LRBA: variants seen among roughly 807,000 people sequenced by gnomAD.
The protein encoded by LRBA is lipopolysaccharide-responsive and beige-like anchor protein.
A neutral mutation model predicts 330.0 loss-of-function variants in LRBA; 176 were observed. That is an observed-to-expected ratio of 0.53 (90% confidence interval 0.47 to 0.60). The LOEUF (loss-of-function observed/expected upper bound fraction) is 0.60, where lower values mean the gene tolerates loss of function less well. Ranked by LOEUF, LRBA falls within the 20% of genes least tolerant of loss-of-function variation. The pLI is 0.00. For missense variants in LRBA, 3,259 were observed against 3,444.8 expected, an observed-to-expected ratio of 0.95 and a Z score of 1.35; for synonymous variants, 1,230 against 1,193.0, an observed-to-expected ratio of 1.03 and a Z score of -0.64.
chr4:150,366,011 A>G (rs1739423015), intron 47 of LRBA, among the ~76,000 whole-genome samples: 1 of 152,200 alleles, frequency 6.6e-6, no homozygotes, highest in Non-Finnish European at 1.5e-5. Context: ...AACACTGCTC[A>G]AACTATTCAA....
chr4:150,826,659 G>A (rs1165624022), intron 30 of LRBA, among the ~76,000 whole-genome samples: 1 of 152,088 alleles, frequency 6.6e-6, no homozygotes, highest in Non-Finnish European at 1.5e-5. Flanking sequence ...CAATGCTCCT[G>A]ACCACCCAGA....
At chr4:150,375,208 G>A (rs1294337566) in intron 47 of LRBA, among the ~76,000 whole-genome samples, 4 of 152,204 alleles carry the variant, frequency 2.6e-5, no homozygotes, top group African/African-American at 7.2e-5. Flanking sequence ...GGCAGGAAGC[G>A]GGAGCAAGAA....
intron 47 of LRBA, among the ~76,000 whole-genome samples, chr4:150,398,001 T>C (rs1744975873): frequency 6.6e-6 from 1 of 152,228 alleles, no homozygotes; most frequent in African/African-American, 2.4e-5. Flanking sequence ...ATTGAAAATA[T>C]GTTGCACAGT....
rs58558446 is a variant in LRBA, at chr4:150,694,462, C to CAAAAAA, written c.5755-10751_5755-10746dup. ...CCTTACCTTAAAGTGTGATCTTTAA[C>CAAAAAA]AAAAAAAAAAAAAAGCTATCTACAG... On this transcript the variant is annotated intron_variant, in intron 36 of 56. Coordinates refer to ENST00000651943, the MANE Select transcript of LRBA (RefSeq NM_001364905.1). 2.1e-4 allele frequency among the ~76,000 whole-genome samples: 15 copies of CAAAAAA among 71,044 alleles called. 1 individual carries two copies. Among genetic ancestry groups the CAAAAAA allele is most frequent in the African/African-American group, 3.4e-4 (7 of 20,424 alleles). 46.6% of individuals were successfully genotyped at this position (71,044 alleles called of 152,430 possible). A position where few individuals can be genotyped will look rare whatever the true frequency, so the allele number is the denominator to read the frequency against.
Position 150,672,853 on chromosome 4 carries a change from C to G in LRBA, c.5921+10698G>C, listed in dbSNP as rs1483529023. On this transcript the variant is annotated intron_variant, in intron 37 of 56. Coordinates refer to ENST00000651943, the MANE Select transcript of LRBA (RefSeq NM_001364905.1). ...TAAAGCCTGGCACATAATAGGTGTC[C>G]AGTAATTCTTAGTTCCATAACAAAT... Among the ~76,000 whole-genome samples the G allele has an allele frequency of 2.6e-5, 4 of 152,062 alleles. No individual in the cohort carries two copies. In the East Asian group the frequency reaches 7.7e-4, roughly 29 times the overall value.
intron 47 of LRBA, among the ~76,000 whole-genome samples, chr4:150,378,412 T>C (rs1561090567): frequency 6.6e-6 from 1 of 152,214 alleles, no homozygotes; most frequent in Non-Finnish European, 1.5e-5. Context: ...TGTTTCCAGA[T>C]GAAAATGAAA....
intron 40 of LRBA, among the ~76,000 whole-genome samples, chr4:150,559,669 A>G (rs1767867356): frequency 1.2e-5 from 1 of 85,204 alleles, no homozygotes; most frequent in Non-Finnish European, 2.1e-5. Flanking sequence ...TATAATATAT[A>G]TATTATATAA....
chr4:150,749,877 G>GCCTT (rs1733306315), intron 35 of LRBA, among the ~76,000 whole-genome samples: 1 of 152,082 alleles, frequency 6.6e-6, no homozygotes, highest in Admixed American at 6.5e-5. Context: ...AGCTTATAGG[G>GCCTT]CCTTATATGA....
At chr4:150,769,085 C>A (rs1736188129) in intron 34 of LRBA, among the ~76,000 whole-genome samples, 1 of 151,836 alleles carries the variant, frequency 6.6e-6, no homozygotes, top group African/African-American at 2.4e-5. Context: ...TACAGGTGTG[C>A]ATCACCACAC....
chr4:150,405,449 A>G (rs1310102700), intron 47 of LRBA, among the ~76,000 whole-genome samples: 1 of 152,160 alleles, frequency 6.6e-6, no homozygotes, highest in Non-Finnish European at 1.5e-5. Flanking sequence ...CTTTTACTGT[A>G]TGATGTTTTA....
intron 36 of LRBA, among the ~76,000 whole-genome samples, chr4:150,702,537 T>C (rs1030620778): frequency 5.3e-5 from 8 of 152,188 alleles, no homozygotes; most frequent in African/African-American, 1.7e-4. Context: ...AAGCTACAGA[T>C]TTGAGACTAC....
rs571179825 is a variant in LRBA at position 150,954,056 on chromosome 4, G to A, written c.217-24991C>T. On this transcript the variant is annotated intron_variant, in intron 2 of 56. Coordinates refer to ENST00000651943, the MANE Select transcript of LRBA (RefSeq NM_001364905.1). ...AGCCTCTCCGCCCGGCAGCCACCCCGTCTGGGAAGTGAGAAGCCCCTCCAC... is the reference window on the plus strand; with the variant it reads ...AGCCTCTCCGCCCGGCAGCCACCCCATCTGGGAAGTGAGAAGCCCCTCCAC... Among the ~76,000 whole-genome samples, 17 of 147,062 alleles carry A rather than the reference G, an allele frequency of 1.2e-4. No individual in the cohort carries two copies. The South Asian group carries it at 2.4e-3, about 21-fold the overall frequency.
In LRBA at chr4:150,852,033, T is replaced by C; in HGVS notation, c.3677A>G (p.Asn1226Ser). 1 of 1,614,132 alleles carries C rather than the reference T, an allele frequency of 6.2e-7. No individual in the cohort carries two copies. Among genetic ancestry groups the C allele is most frequent in the Non-Finnish European group, 8.5e-7 (1 of 1,179,964 alleles). The part of the protein sequence containing the change: ...TNLTRETKLI[N>S]DCHGSVSEAS... ...CTCAGAGACACTACCATGACAATCA[T>C]TAATTAATTTGGTTTCTCTAGTGAG... Residue 1226 changes from asparagine to serine, a missense_variant, in exon 23 of 57, where the codon AAT becomes AGT. Transcript: ENST00000651943.
At chr4:150,787,094 T>A (rs1382282275) in intron 34 of LRBA, among the ~76,000 whole-genome samples, 1 of 152,036 alleles carries the variant, frequency 6.6e-6, no homozygotes. Context: ...TCGCCAGGCA[T>A]GATGGTGGGT....
At chr4:150,911,889 A>AT (rs1213999596) in intron 9 of LRBA, among the ~76,000 whole-genome samples, 1 of 152,004 alleles carries the variant, frequency 6.6e-6, no homozygotes, top group African/African-American at 2.4e-5. Flanking sequence ...GTCTTTTCGG[A>AT]TTTTTTAAAT....
At chr4:150,667,513 A>G (rs1781668096) in intron 37 of LRBA, among the ~76,000 whole-genome samples, 2 of 151,948 alleles carry the variant, frequency 1.3e-5, no homozygotes, top group African/African-American at 2.4e-5. Context: ...AAGTCAAGGA[A>G]TTTTCCCCCA....
At chr4:150,904,490 G>C (rs1221653132) in intron 13 of LRBA, among the ~76,000 whole-genome samples, 1 of 152,090 alleles carries the variant, frequency 6.6e-6, no homozygotes, top group African/African-American at 2.4e-5. Flanking sequence ...ATAAGAAATA[G>C]AGTATAATAA....
Position 150,928,871 on chromosome 4 carries a change from C to A in LRBA, c.411G>T (p.Val137=), listed in dbSNP as rs990457351. 1.9e-6 allele frequency: 3 copies of A among 1,613,994 alleles called. No homozygotes were observed. The highest frequency in any genetic ancestry group is 2.5e-6 in the Non-Finnish European group (3 of 1,179,956). Reference sequence around the variant, plus strand: ...TGTCAACTTTTTCAATTTTCCCAAGCACTTTTTCAACAAGGCCTACTTCAG... The same window carrying A: ...TGTCAACTTTTTCAATTTTCCCAAGAACTTTTTCAACAAGGCCTACTTCAG... ...VCTEVGLVEK[V]LGKIEKVDNM... is the part of the protein sequence containing the mutation. The change falls in exon 3 of 57, where the codon GTG becomes GTT. Residue 137 remains valine (V), a synonymous_variant. Transcript: ENST00000651943.
intron 37 of LRBA, among the ~76,000 whole-genome samples, chr4:150,638,292 G>A (rs540351084): frequency 4.9e-4 from 75 of 152,204 alleles, no homozygotes; most frequent in African/African-American, 6.0e-4. Flanking sequence ...CTACCAAAGC[G>A]CTGGGATTAC....
Sources: allele counts gnomAD v4.1 joint callset (sites outside exome capture counted in the v4.1 genomes callset), GRCh38; gene constraint gnomAD v4.1.1; transcripts MANE v1.5; gene names NCBI Gene and HGNC (gene_info 2026-07-23, HGNC 2026-07-21).